SNTG1: variants seen among roughly 807,000 people sequenced by gnomAD.
SNTG1 encodes the protein gamma-1-syntrophin.
SNTG1 carries 39 observed loss-of-function variants against 74.7 expected under a neutral mutation model. The ratio of observed to expected loss-of-function variants is 0.52; its 90% confidence interval spans 0.40 to 0.68. SNTG1 has a LOEUF of 0.68. SNTG1 is among the 30% of genes least tolerant of loss of function. SNTG1 has a pLI of 0.00. For synonymous variants in SNTG1, 254 were observed against 217.1 expected, an observed-to-expected ratio of 1.17 and a Z score of -1.49; for missense variants, 685 against 609.5, an observed-to-expected ratio of 1.12 and a Z score of -1.30.
chr8:50,588,122 A>C (rs922178157), intron 12 of SNTG1, among the ~76,000 whole-genome samples: 1 of 151,896 alleles, frequency 6.6e-6, no homozygotes, highest in Non-Finnish European at 1.5e-5. Flanking sequence ...TCCGACTCAA[A>C]AAAAAAAAAA....
At chr8:50,685,659 A>T (rs11774604) in intron 15 of SNTG1, among the ~76,000 whole-genome samples, 31,309 of 152,140 alleles carry the variant, frequency 0.21, 3,327 homozygotes, top group South Asian at 0.31. Flanking sequence ...TATTATTATT[A>T]ACAGGAACAA....
chr8:50,644,900 C>T (rs1433162226), intron 13 of SNTG1, among the ~76,000 whole-genome samples: 1 of 149,402 alleles, frequency 6.7e-6, no homozygotes. Flanking sequence ...CCTAAAGAAA[C>T]ACTTGCTATG....
intron 13 of SNTG1, among the ~76,000 whole-genome samples, chr8:50,601,526 G>C (rs1301488046): frequency 2.0e-5 from 3 of 152,128 alleles, no homozygotes; most frequent in African/African-American, 7.2e-5. Flanking sequence ...TTTCAGACAT[G>C]TTTTGTTAGC....
At chr8:50,282,177 G>GC (rs2088498959) in intron 2 of SNTG1, among the ~76,000 whole-genome samples, 1 of 152,000 alleles carries the variant, frequency 6.6e-6, no homozygotes, top group Admixed American at 6.6e-5. Flanking sequence ...AGAAATGTCA[G>GC]CCCCAAGATA....
At chr8:50,749,258 G>C (rs2095561890) in intron 17 of SNTG1, among the ~76,000 whole-genome samples, 1 of 152,024 alleles carries the variant, frequency 6.6e-6, no homozygotes, top group African/African-American at 2.4e-5. Flanking sequence ...CCAGGGGAAG[G>C]CTCTCTTTTC....
chr8:50,325,003 T>TAC (rs1333410701), intron 2 of SNTG1, among the ~76,000 whole-genome samples: 31 of 144,336 alleles, frequency 2.1e-4, no homozygotes, highest in East Asian at 4.0e-4. Flanking sequence ...GTGTGTGTAA[T>TAC]ACACACACAC....
At chr8:49,971,025 C>A (rs1223701959) in intron 1 of SNTG1, among the ~76,000 whole-genome samples, 1 of 152,100 alleles carries the variant, frequency 6.6e-6, no homozygotes, top group Non-Finnish European at 1.5e-5. Flanking sequence ...TTTATGAGGC[C>A]AGCATCATCC....
At chr8:50,208,865 G>C (rs1210412047) in intron 2 of SNTG1, among the ~76,000 whole-genome samples, 1 of 152,182 alleles carries the variant, frequency 6.6e-6, no homozygotes, top group African/African-American at 2.4e-5. Flanking sequence ...GCATTTCCAA[G>C]TGAGGTACCA....
chr8:50,065,300 T>C (rs1342668792), intron 1 of SNTG1, among the ~76,000 whole-genome samples: 1 of 152,220 alleles, frequency 6.6e-6, no homozygotes, highest in Non-Finnish European at 1.5e-5. Flanking sequence ...TAAAGCATCA[T>C]GTTTTTTATC....
At position 50,043,879 on chromosome 8, in the gene SNTG1, A is replaced by G. The variant is rs545857773; in HGVS notation, c.-102-128682A>G. On this transcript the variant is annotated intron_variant, in intron 1 of 18. Coordinates refer to ENST00000642720, the MANE Select transcript of SNTG1 (RefSeq NM_018967.5). ...GCCACCTGAGGAAAATGCATTACGC[A>G]TGTCATAGCAGCCTAGGGAGATGTC... 5.7e-4 allele frequency among the ~76,000 whole-genome samples: 87 copies of G among 152,324 alleles called. 1 individual carries two copies. The highest frequency in any genetic ancestry group is 2.0e-3 in the African/African-American group (83 of 41,576).
intron 13 of SNTG1, among the ~76,000 whole-genome samples, chr8:50,623,654 A>G (rs562612259): frequency 2.6e-5 from 4 of 152,072 alleles, no homozygotes; most frequent in South Asian, 2.1e-4. Flanking sequence ...ACTTTTTGAA[A>G]ATTTCTTTCT....
At chr8:50,050,694 A>G (rs1261911015) in intron 1 of SNTG1, among the ~76,000 whole-genome samples, 1 of 152,098 alleles carries the variant, frequency 6.6e-6, no homozygotes, top group Admixed American at 6.6e-5. Flanking sequence ...CTATGAGGAC[A>G]ATATTACCTT....
chr8:50,481,791 A>G (rs1797778942), intron 8 of SNTG1, among the ~76,000 whole-genome samples: 1 of 152,248 alleles, frequency 6.6e-6, no homozygotes, highest in African/African-American at 2.4e-5. Context: ...AAATCCTTTT[A>G]CGTCTCTTTC....
chr8:49,945,989 G>A (rs1457610365), intron 1 of SNTG1, among the ~76,000 whole-genome samples: 1 of 152,106 alleles, frequency 6.6e-6, no homozygotes, highest in Non-Finnish European at 1.5e-5. Flanking sequence ...TAAATACCTT[G>A]CTCTCTAGGT....
At chr8:50,602,816 A>T (rs113602589) in intron 13 of SNTG1, among the ~76,000 whole-genome samples, 3 of 152,126 alleles carry the variant, frequency 2.0e-5, no homozygotes, top group African/African-American at 4.8e-5. Context: ...ATCGCTTTAA[A>T]CATGCTGTGC....
chr8:49,929,088 T>C (rs929007967), intron 1 of SNTG1, among the ~76,000 whole-genome samples: 1 of 151,928 alleles, frequency 6.6e-6, no homozygotes, highest in Non-Finnish European at 1.5e-5. Context: ...TGGTAGGACA[T>C]CAAGAAAAAG....
chr8:50,598,724 T>C (rs1327900139), intron 13 of SNTG1, among the ~76,000 whole-genome samples: 4 of 152,038 alleles, frequency 2.6e-5, no homozygotes, highest in Non-Finnish European at 5.9e-5. Context: ...ACTACCTTTC[T>C]ATTTGTTTGG....
At chr8:50,757,960 A>G (rs559140540) in intron 18 of SNTG1, among the ~76,000 whole-genome samples, 2 of 152,010 alleles carry the variant, frequency 1.3e-5, no homozygotes, top group African/African-American at 4.8e-5. Flanking sequence ...ATAATAACAA[A>G]ATCCTCCTAA....
intron 11 of SNTG1, among the ~76,000 whole-genome samples, chr8:50,547,751 A>G (rs2094398442): frequency 6.6e-6 from 1 of 152,204 alleles, no homozygotes; most frequent in African/African-American, 2.4e-5. Context: ...AAAAAATTAC[A>G]TTTGATCAAA....
Sources: allele counts gnomAD v4.1 joint callset (sites outside exome capture counted in the v4.1 genomes callset), GRCh38; gene constraint gnomAD v4.1.1; transcripts MANE v1.5; gene names NCBI Gene and HGNC (gene_info 2026-07-23, HGNC 2026-07-21).